The following AIG1 variants were observed in gnomAD, a reference collection of about 807,000 sequenced individuals.
AIG1 encodes androgen induced 1.
In AIG1, 23 loss-of-function variants were observed where a neutral mutation model predicts 31.4. That is an observed-to-expected ratio of 0.73 (90% CI 0.53 to 1.04). The LOEUF is 1.04. Among genes scored for constraint, AIG1 ranks in the 50% least tolerant of loss-of-function variants. The probability of loss-of-function intolerance (pLI) is 0.00; values close to 1 mark genes in which losing one functional copy is unlikely to be tolerated. For missense variants in AIG1, 274 were observed against 295.0 expected (o/e 0.93, Z 0.52); for synonymous variants, 100 against 110.5 (o/e 0.90, Z 0.60).
chr6:143,254,594 TC>T (rs1266816221), intron 3 of AIG1, among the ~76,000 whole-genome samples: 3 of 152,166 alleles, frequency 2.0e-5, no homozygotes, highest in South Asian at 2.1e-4. Flanking sequence ...TTGATTCTGT[TC>T]CCCCCTACCC....
chr6:143,187,587 A>G (rs894655615), intron 3 of AIG1: 1 of 1,536,090 alleles, frequency 6.5e-7, no homozygotes, highest in Non-Finnish European at 8.7e-7. Flanking sequence ...TTCTGCAGGG[A>G]GAGAAGGCAA....
At chr6:143,289,491 C>T (rs986845165) in intron 4 of AIG1, among the ~76,000 whole-genome samples, 2 of 152,152 alleles carry the variant, frequency 1.3e-5, no homozygotes, top group Non-Finnish European at 2.9e-5. Context: ...CTAGGGTCCC[C>T]TTGGCCCAGA....
Position 143,288,066 on chromosome 6 carries a change from A to T in AIG1, c.515+3841A>T, listed in dbSNP as rs2128684653. Among the ~76,000 whole-genome samples, 1 of 152,302 alleles carries T rather than the reference A, an allele frequency of 6.6e-6. No individual in the cohort carries two copies. Among genetic ancestry groups the T allele is most frequent in the African/African-American group, 2.4e-5 (1 of 41,538 alleles). The stretch of plus-strand genomic sequence containing the variant: ...TGTCTCTTGTCACCTTCTAGTTGAC[A>T]TGTATAAAAGAGAAGACATCTTTGC... On this transcript the variant is annotated intron_variant, in intron 4 of 5. Transcript: ENST00000357847. This position sits in a 1 kb window ranked among gnomAD's most constrained non-coding sequence, Gnocchi z 4.4.
rs189822286 is a variant in AIG1, at chr6:143,183,379, A to G, written c.399+18196A>G. ...CACAGCTAATTTTTGTATTTTTAGTAGAGAGGGGGTTTCACCATGTTGGCC... is the reference window on the plus strand; with the variant it reads ...CACAGCTAATTTTTGTATTTTTAGTGGAGAGGGGGTTTCACCATGTTGGCC... On this transcript the variant is annotated intron_variant, in intron 3 of 5. Transcript: ENST00000357847. Among the ~76,000 whole-genome samples, 190 of 152,224 alleles carry G rather than the reference A, an allele frequency of 1.2e-3. 3 individuals carry two copies. Among genetic ancestry groups the G allele is most frequent in the African/African-American group, 4.4e-3 (184 of 41,534 alleles).
At chr6:143,177,112 A>G (rs985532139) in intron 3 of AIG1, among the ~76,000 whole-genome samples, 1 of 151,270 alleles carries the variant, frequency 6.6e-6, no homozygotes, top group African/African-American at 2.4e-5. Context: ...TTTTTATTTC[A>G]CTCACTGAGT....
intron 1 of AIG1, among the ~76,000 whole-genome samples, chr6:143,063,561 A>G (rs984822284): frequency 6.6e-6 from 1 of 152,244 alleles, no homozygotes; most frequent in African/African-American, 2.4e-5. Context: ...GCATGAAATG[A>G]TTAGGCTACT....
intron 3 of AIG1, among the ~76,000 whole-genome samples, chr6:143,169,874 G>T (rs1787326919): frequency 6.6e-6 from 1 of 151,952 alleles, no homozygotes; most frequent in Admixed American, 6.6e-5. Context: ...TTTGGGTTTT[G>T]TTCTTCATTT....
At position 143,258,925 on chromosome 6, in the gene AIG1, G is replaced by A. The variant is rs1038910997; in HGVS notation, c.400-25185G>A. Reference sequence around the variant, plus strand: ...ACTCTTTTTAACAATCTGCTCTCATGGGAACCACATCCAAACCATAGCAGA... The same window carrying A: ...ACTCTTTTTAACAATCTGCTCTCATAGGAACCACATCCAAACCATAGCAGA... On this transcript the variant is annotated intron_variant, in intron 3 of 5. Transcript: ENST00000357847. The surrounding 1 kb of genome is among the most constrained non-coding windows in gnomAD (Gnocchi z 4.7). Among the ~76,000 whole-genome samples the A allele has an allele frequency of 2.0e-5, 3 of 152,186 alleles. No homozygotes were observed. Among genetic ancestry groups the A allele is most frequent in the African/African-American group, 7.2e-5 (3 of 41,442 alleles).
chr6:143,159,342 A>G (rs1562440955), intron 2 of AIG1, among the ~76,000 whole-genome samples: 3 of 152,252 alleles, frequency 2.0e-5, no homozygotes, highest in Non-Finnish European at 2.9e-5. Flanking sequence ...TTTGTATTCT[A>G]TCATTACTTC....
intron 1 of AIG1, among the ~76,000 whole-genome samples, chr6:143,065,475 G>A (rs1776612219): frequency 8.2e-6 from 1 of 122,120 alleles, no homozygotes; most frequent in African/African-American, 4.9e-5. Context: ...CAAGTGATGT[G>A]GATTCATTCA....
chr6:143,119,705 C>A (rs866542128), intron 1 of AIG1, among the ~76,000 whole-genome samples: 3 of 152,128 alleles, frequency 2.0e-5, no homozygotes, highest in African/African-American at 4.8e-5. Flanking sequence ...TGGGAAGAAG[C>A]CTTCGTTCCT....
chr6:143,108,366 A>G (rs557794473), intron 1 of AIG1, among the ~76,000 whole-genome samples: 2 of 152,340 alleles, frequency 1.3e-5, no homozygotes, highest in South Asian at 4.1e-4. Flanking sequence ...AAACCAAGTG[A>G]AAAGACTTGG....
chr6:143,208,376 T>C (rs1319101851), intron 3 of AIG1, among the ~76,000 whole-genome samples: 1 of 152,182 alleles, frequency 6.6e-6, no homozygotes, highest in African/African-American at 2.4e-5. Flanking sequence ...CCCTTCCTGC[T>C]GAGAGCTTAC....
rs977864785 is a variant in AIG1 at position 143,284,365 on chromosome 6, G to A, written c.515+140G>A. On this transcript the variant is annotated intron_variant, in intron 4 of 5. Coordinates refer to ENST00000357847, the MANE Select transcript of AIG1 (RefSeq NM_016108.4). This position sits in a 1 kb window ranked among gnomAD's most constrained non-coding sequence, Gnocchi z 4.4. ...TGGTCCAAGACCTGGGCTTTGTCTC[G>A]TTTCCCCAGATGCTTATATTTTTAG... is the stretch of plus-strand genomic sequence containing the variant. 72 of 587,728 alleles carry A rather than the reference G, an allele frequency of 1.2e-4. No homozygotes were observed. The highest frequency in any genetic ancestry group is 9.0e-4 in the Middle Eastern group (2 of 2,216). 36.4% of individuals were successfully genotyped at this position (587,728 alleles called of 1,614,324 possible).
At position 143,280,950 on chromosome 6, in the gene AIG1, G is replaced by A. The variant is rs1421380174; in HGVS notation, c.400-3160G>A. 1.3e-5 allele frequency among the ~76,000 whole-genome samples: 2 copies of A among 152,144 alleles called. No homozygotes were observed. Among genetic ancestry groups the A allele is most frequent in the Non-Finnish European group, 2.9e-5 (2 of 68,022 alleles). ...ATTATTGATTGGATAATATATCACA[G>A]GAAAGACATATTTAGCAAAAATCAT... is the stretch of plus-strand genomic sequence containing the variant. On this transcript the variant is annotated intron_variant, in intron 3 of 5. Transcript: ENST00000357847. This position sits in a 1 kb window ranked among gnomAD's most constrained non-coding sequence, Gnocchi z 4.1.
At chr6:143,063,633 G>C (rs1462998696) in intron 1 of AIG1, among the ~76,000 whole-genome samples, 1 of 152,066 alleles carries the variant, frequency 6.6e-6, no homozygotes, top group Non-Finnish European at 1.5e-5. Flanking sequence ...TTATTACCTA[G>C]TGCCTTGTAC....
At chr6:143,129,920 A>G (rs183050134) in intron 1 of AIG1, among the ~76,000 whole-genome samples, 7 of 147,218 alleles carry the variant, frequency 4.8e-5, no homozygotes, top group African/African-American at 1.7e-4. Flanking sequence ...AATATTCCTT[A>G]TGTAAATAGA....
At chr6:143,067,910 C>T (rs141441691) in intron 1 of AIG1, among the ~76,000 whole-genome samples, 1,780 of 152,174 alleles carry the variant, frequency 0.012, 30 homozygotes, top group African/African-American at 0.04. Context: ...TGCATATAAA[C>T]TTGAAGGCTC....
chr6:143,226,491 G>T (rs1053577061), intron 3 of AIG1, among the ~76,000 whole-genome samples: 1 of 151,618 alleles, frequency 6.6e-6, no homozygotes, highest in African/African-American at 2.4e-5. Flanking sequence ...TGATCCACCC[G>T]CCTTGGCCTC....
Sources: allele counts gnomAD v4.1 joint callset (sites outside exome capture counted in the v4.1 genomes callset), GRCh38; gene constraint gnomAD v4.1.1; non-coding constraint Gnocchi (gnomAD v3.1); transcripts MANE v1.5; gene names NCBI Gene and HGNC (gene_info 2026-07-23, HGNC 2026-07-21).